PRTFDC1: variants seen among roughly 807,000 people sequenced by gnomAD.
The protein encoded by PRTFDC1 is phosphoribosyl transferase domain containing 1.
A neutral mutation model predicts 34.6 loss-of-function variants in PRTFDC1; 38 were observed. That is an observed-to-expected ratio of 1.10 (90% confidence interval 0.85 to 1.44). The LOEUF (loss-of-function observed/expected upper bound fraction) is 1.44. Among genes scored for constraint, PRTFDC1 ranks in the 40% most tolerant of loss-of-function variants. The pLI is 0.00. For missense variants in PRTFDC1, 270 were observed against 283.0 expected (o/e 0.95, Z 0.33); for synonymous variants, 93 against 98.1 (o/e 0.95, Z 0.31).
chr10:24,863,850 C>T (rs368888381), intron 4 of PRTFDC1, among the ~76,000 whole-genome samples: 50 of 151,680 alleles, frequency 3.3e-4, no homozygotes, highest in Admixed American at 2.7e-3. Context: ...CTGAGGTGGG[C>T]GGATTGCTTG....
At chr10:24,940,108 C>T (rs1279728594) in intron 2 of PRTFDC1, among the ~76,000 whole-genome samples, 1 of 152,154 alleles carries the variant, frequency 6.6e-6, no homozygotes, top group African/African-American at 2.4e-5. Context: ...TATTTGGAGA[C>T]TTTAACATCC....
intron 3 of PRTFDC1, among the ~76,000 whole-genome samples, chr10:24,890,459 A>T (rs1848241056): frequency 6.6e-6 from 1 of 152,262 alleles, no homozygotes; most frequent in Non-Finnish European, 1.5e-5. Flanking sequence ...GGAACAAGGC[A>T]CGTGGGTTGT....
At chr10:24,943,613 C>T (rs533200962) in intron 1 of PRTFDC1, among the ~76,000 whole-genome samples, 1 of 149,910 alleles carries the variant, frequency 6.7e-6, no homozygotes, top group South Asian at 2.1e-4. Context: ...TGCAGTGGTG[C>T]GATCTCTGCT....
rs529052133 is a variant in PRTFDC1 at position 24,858,417 on chromosome 10, A to T, written c.406-8T>A. The T allele has an allele frequency of 1.2e-6, 2 of 1,613,324 alleles. No homozygotes were observed. The highest frequency in any genetic ancestry group is 2.2e-5 in the South Asian group (2 of 91,020). On this transcript the variant is annotated splice_region_variant and splice_polypyrimidine_tract_variant and intron_variant, in intron 4 of 8. Coordinates refer to ENST00000320152, the MANE Select transcript of PRTFDC1 (RefSeq NM_020200.7). ...CTCAACAATGAGAACATTCTGAAAT[A>T]AACAAAACCCATATTTTAGAATGTG...
rs899999113 is a variant in PRTFDC1, at chr10:24,855,209, T to C, written c.553+109A>G. On this transcript the variant is annotated intron_variant, in intron 7 of 8. Coordinates refer to ENST00000320152, the MANE Select transcript of PRTFDC1 (RefSeq NM_020200.7). ...ACTATCAGCCCTACACAGTTTCAAA[T>C]CCACATGCAATGCTGTCAAATAGGA... 22 of 1,099,318 alleles carry C rather than the reference T, an allele frequency of 2.0e-5. No homozygotes were observed. In the African/African-American group the frequency reaches 3.2e-4, roughly 16 times the overall value. 68.1% of individuals were successfully genotyped at this position (1,099,318 alleles called of 1,614,324 possible).
chr10:24,928,023 G>C (rs2132593580), intron 3 of PRTFDC1, among the ~76,000 whole-genome samples: 1 of 152,218 alleles, frequency 6.6e-6, no homozygotes, highest in African/African-American at 2.4e-5. Context: ...CACATTTTTT[G>C]TTATAATATC....
chr10:24,946,852 G>A (rs10764514), intron 1 of PRTFDC1, among the ~76,000 whole-genome samples: 30,696 of 152,172 alleles, frequency 0.2, 3,456 homozygotes, highest in African/African-American at 0.3. Flanking sequence ...CTATACATTT[G>A]AGGCCTGGCA....
chr10:24,877,647 G>T (rs1345228333), intron 3 of PRTFDC1, among the ~76,000 whole-genome samples: 2 of 152,148 alleles, frequency 1.3e-5, no homozygotes, highest in Non-Finnish European at 2.9e-5. Context: ...TTGAGACAGA[G>T]TCTTGCTCTG....
At chr10:24,921,101 A>G (rs1275789847) in intron 3 of PRTFDC1, among the ~76,000 whole-genome samples, 1 of 152,172 alleles carries the variant, frequency 6.6e-6, no homozygotes, top group African/African-American at 2.4e-5. Flanking sequence ...ATTAAAAAAA[A>G]AACAAAAAAA....
intron 3 of PRTFDC1, among the ~76,000 whole-genome samples, chr10:24,925,124 G>C (rs907034957): frequency 2.6e-5 from 4 of 152,180 alleles, no homozygotes; most frequent in Non-Finnish European, 1.5e-5. Flanking sequence ...ATACACTATG[G>C]AATACTATGC....
chr10:24,934,743 C>T (rs930542746), intron 3 of PRTFDC1, among the ~76,000 whole-genome samples: 17 of 152,220 alleles, frequency 1.1e-4, no homozygotes, highest in Non-Finnish European at 7.3e-5. Context: ...TTGATGACTT[C>T]TGTCTCCCTA....
intron 4 of PRTFDC1, 63 bp from the exon 5 acceptor site, chr10:24,858,472 C>G: frequency 6.5e-7 from 1 of 1,542,820 alleles, no homozygotes; most frequent in South Asian, 1.1e-5. Flanking sequence ...GATACATACA[C>G]ATTTTTTTGC....
intron 3 of PRTFDC1, among the ~76,000 whole-genome samples, chr10:24,906,779 G>A (rs1055968352): frequency 9.2e-5 from 14 of 152,186 alleles, no homozygotes; most frequent in African/African-American, 2.7e-4. Context: ...ACCTGCTCTC[G>A]AGAGCTGGCT....
At chr10:24,906,634 T>A (rs1272532800) in intron 3 of PRTFDC1, among the ~76,000 whole-genome samples, 1 of 152,234 alleles carries the variant, frequency 6.6e-6, no homozygotes, top group Non-Finnish European at 1.5e-5. Context: ...AATTGCTTGA[T>A]ATCTGTGGCA....
chr10:24,933,076 G>C (rs1353363112), intron 3 of PRTFDC1, among the ~76,000 whole-genome samples: 3 of 151,716 alleles, frequency 2.0e-5, no homozygotes, highest in Non-Finnish European at 2.9e-5. Context: ...AAAAGAAAAG[G>C]AATCGCAATC....
intron 3 of PRTFDC1, among the ~76,000 whole-genome samples, chr10:24,921,030 C>A (rs1035891353): frequency 6.6e-6 from 1 of 151,686 alleles, no homozygotes; most frequent in Non-Finnish European, 1.5e-5. Context: ...AGGAATAAAA[C>A]AAGAATATGT....
chr10:24,862,669 GT>G (rs910874974), intron 4 of PRTFDC1, among the ~76,000 whole-genome samples: 6 of 150,764 alleles, frequency 4.0e-5, no homozygotes, highest in East Asian at 3.9e-4. Context: ...AGAGACTGTG[GT>G]TTTTTTTTGT....
chr10:24,952,498 C>A lies in PRTFDC1; in HGVS notation c.48+30G>T. ...GTGCCAGGGAGGGAGGGGAGCGGGC[C>A]GAGCCCCAAAATAGGGAGTTTGCAT... On this transcript the variant is annotated intron_variant, in intron 1 of 8. Transcript: ENST00000320152. This position sits in a 1 kb window ranked among gnomAD's most constrained non-coding sequence, Gnocchi z 5.1. 1 of 1,568,418 alleles carries A rather than the reference C, an allele frequency of 6.4e-7. No homozygotes were observed. The highest frequency in any genetic ancestry group is 8.7e-7 in the Non-Finnish European group (1 of 1,155,702).
At chr10:24,902,593 G>A (rs148646080) in intron 3 of PRTFDC1, among the ~76,000 whole-genome samples, 3 of 152,262 alleles carry the variant, frequency 2.0e-5, no homozygotes, top group Non-Finnish European at 2.9e-5. Flanking sequence ...TAGGAAAGGC[G>A]ATTTTTCTAG....
Sources: gnomAD v4.1 joint callset for allele counts (sites outside exome capture counted in the v4.1 genomes callset) on GRCh38, gnomAD v4.1.1 for gene constraint, Gnocchi (gnomAD v3.1) non-coding constraint, MANE v1.5 for transcripts, NCBI Gene and HGNC (gene_info 2026-07-23, HGNC 2026-07-21) for gene names.